The following RBFOX1 variants were observed in gnomAD, a reference collection of about 807,000 sequenced individuals.
RBFOX1 encodes the protein RNA binding fox-1 homolog 1, also known as RNA binding protein fox-1 homolog 1.
A neutral mutation model predicts 57.7 loss-of-function variants in RBFOX1; 8 were observed. The ratio of observed to expected loss-of-function variants is 0.14; its 90% confidence interval spans 0.08 to 0.25. RBFOX1 has a LOEUF of 0.25. Among genes scored for constraint, RBFOX1 ranks in the 10% least tolerant of loss-of-function variants. The pLI is 1.00. For synonymous variants in RBFOX1, 326 were observed against 222.4 expected, an observed-to-expected ratio of 1.47 and a Z score of -4.15; for missense variants, 611 against 548.5, an observed-to-expected ratio of 1.11 and a Z score of -1.14.
At chr16:7,269,101 C>G (rs184064012) in intron 4 of RBFOX1, among the ~76,000 whole-genome samples, 2 of 146,276 alleles carry the variant, frequency 1.4e-5, no homozygotes, top group Admixed American at 1.4e-4. Context: ...TTAACCCTCA[C>G]AGCCCATAGT....
At chr16:6,873,198 A>G (rs2061255246) in intron 3 of RBFOX1, among the ~76,000 whole-genome samples, 1 of 151,924 alleles carries the variant, frequency 6.6e-6, no homozygotes, top group Admixed American at 6.6e-5. Flanking sequence ...AACGAGGAGT[A>G]GAGATTTTTG....
At chr16:6,780,754 G>A (rs1208101577) in intron 3 of RBFOX1, among the ~76,000 whole-genome samples, 5 of 151,324 alleles carry the variant, frequency 3.3e-5, no homozygotes, top group Non-Finnish European at 5.9e-5. Context: ...GTGACGTTGA[G>A]CATTTTTCCG....
At chr16:7,629,739 C>G (rs993914401) in intron 10 of RBFOX1, among the ~76,000 whole-genome samples, 1 of 152,176 alleles carries the variant, frequency 6.6e-6, no homozygotes, top group Non-Finnish European at 1.5e-5. Context: ...CCATTATTTG[C>G]CGCTGTAAAA....
intron 3 of RBFOX1, among the ~76,000 whole-genome samples, chr16:6,951,132 C>G (rs56206434): frequency 2.6e-5 from 4 of 151,942 alleles, no homozygotes; most frequent in Non-Finnish European, 5.9e-5. Flanking sequence ...GTCTTAAACT[C>G]CTGGACTCAA....
intron 2 of RBFOX1, among the ~76,000 whole-genome samples, chr16:6,465,428 A>G (rs1367683882): frequency 6.6e-6 from 1 of 152,208 alleles, no homozygotes; most frequent in Non-Finnish European, 1.5e-5. Flanking sequence ...GCTATCTTGC[A>G]TGTTAATGTA....
At chr16:6,690,757 T>A (rs1477587405) in intron 3 of RBFOX1, among the ~76,000 whole-genome samples, 1 of 26,260 alleles carries the variant, frequency 3.8e-5, no homozygotes, top group Non-Finnish European at 8.4e-5. Context: ...TTTCTTTCTT[T>A]CTTTTTTTTT....
chr16:7,575,020 G>A (rs1189948780), intron 5 of RBFOX1, among the ~76,000 whole-genome samples: 1 of 147,346 alleles, frequency 6.8e-6, no homozygotes, highest in Non-Finnish European at 1.5e-5. Flanking sequence ...CAAAAAATAT[G>A]TCCTTGTCTT....
intron 4 of RBFOX1, among the ~76,000 whole-genome samples, chr16:7,137,419 C>G (rs964927425): frequency 1.3e-5 from 2 of 152,118 alleles, no homozygotes; most frequent in African/African-American, 4.8e-5. Context: ...GCGAGTAAGT[C>G]TGATGAGATC....
intron 3 of RBFOX1, among the ~76,000 whole-genome samples, chr16:6,761,861 A>G (rs984454912): frequency 1.6e-4 from 25 of 151,846 alleles, no homozygotes; most frequent in African/African-American, 5.8e-4. Context: ...AAGCAACTAC[A>G]TCTCTCATTC....
intron 5 of RBFOX1, among the ~76,000 whole-genome samples, chr16:7,528,359 A>G (rs1264259370): frequency 1.3e-5 from 2 of 152,218 alleles, no homozygotes; most frequent in African/African-American, 2.4e-5. Context: ...AGGTCCTTCA[A>G]ACACCCAAAT....
At chr16:5,931,118 C>G (rs1009340780) in intron 4 of RBFOX1, among the ~76,000 whole-genome samples, 4 of 152,158 alleles carry the variant, frequency 2.6e-5, no homozygotes, top group African/African-American at 7.2e-5. Context: ...CCACCTCTTG[C>G]TCTCTGCACG....
intron 1 of RBFOX1, among the ~76,000 whole-genome samples, chr16:6,259,876 G>A (rs926323527): frequency 2.0e-5 from 3 of 151,192 alleles, no homozygotes; most frequent in Admixed American, 2.0e-4. Flanking sequence ...CAGGAGAATT[G>A]CTTGAACCCG....
rs149790518 is a variant in RBFOX1 at position 7,187,643 on chromosome 16, C to T, written c.27+135545C>T. ...GGCAGAGCTTGCAGTGAGCCGAGAT[C>T]GTGCCACTGCAGTCCAGCCTGGGCA... On this transcript the variant is annotated intron_variant, in intron 4 of 15. Coordinates refer to ENST00000550418, the MANE Select transcript of RBFOX1 (RefSeq NM_018723.4). Among the ~76,000 whole-genome samples the T allele has an allele frequency of 2.5e-3, 309 of 121,550 alleles. 2 individuals carry two copies. The highest frequency in any genetic ancestry group is 9.4e-3 in the African/African-American group (301 of 31,966). 79.7% of individuals were successfully genotyped at this position (121,550 alleles called of 152,430 possible).
intron 4 of RBFOX1, among the ~76,000 whole-genome samples, chr16:7,512,912 C>T (rs2075482133): frequency 6.6e-6 from 1 of 152,188 alleles, no homozygotes; most frequent in African/African-American, 2.4e-5. Flanking sequence ...GGGAGTAACA[C>T]ACCAACAGCT....
At chr16:5,521,334 C>G (rs1029508496) in intron 2 of RBFOX1, among the ~76,000 whole-genome samples, 2 of 135,688 alleles carry the variant, frequency 1.5e-5, no homozygotes, top group African/African-American at 5.7e-5. Context: ...TTCATGCAGA[C>G]TCAGCAGCTT....
At chr16:5,357,367 G>A (rs997755064) in intron 1 of RBFOX1, among the ~76,000 whole-genome samples, 6 of 152,208 alleles carry the variant, frequency 3.9e-5, no homozygotes, top group Admixed American at 2.6e-4. Flanking sequence ...ACCACCTCTT[G>A]CTCTGGGGTG....
At chr16:6,564,432 C>G (rs2097227494) in intron 2 of RBFOX1, among the ~76,000 whole-genome samples, 1 of 151,972 alleles carries the variant, frequency 6.6e-6, no homozygotes, top group African/African-American at 2.4e-5. Flanking sequence ...TACACTCCAG[C>G]CTGGGCAACA....
At chr16:7,367,051 C>T (rs919355912) in intron 4 of RBFOX1, among the ~76,000 whole-genome samples, 4 of 151,900 alleles carry the variant, frequency 2.6e-5, no homozygotes, top group Non-Finnish European at 1.5e-5. Context: ...TCCCCCAAAC[C>T]CCCCAGTTTT....
chr16:6,749,311 C>G (rs1210802556), intron 3 of RBFOX1, among the ~76,000 whole-genome samples: 1 of 152,142 alleles, frequency 6.6e-6, no homozygotes, highest in Admixed American at 6.5e-5. Flanking sequence ...AATGAGAGAA[C>G]AGATGCACAC....
Sources: allele counts gnomAD v4.1 joint callset (sites outside exome capture counted in the v4.1 genomes callset), GRCh38; gene constraint gnomAD v4.1.1; transcripts MANE v1.5; gene names NCBI Gene and HGNC (gene_info 2026-07-23, HGNC 2026-07-21).